DAB1: variants seen among roughly 807,000 people sequenced by gnomAD.
DAB1 encodes disabled homolog 1.
DAB1 carries 15 observed loss-of-function variants against 64.6 expected under a neutral mutation model. The observed-to-expected ratio is 0.23, with a 90% confidence interval of 0.16 to 0.36. DAB1 has a LOEUF of 0.36. Ranked by LOEUF, DAB1 falls within the 10% of genes least tolerant of loss-of-function variation. DAB1 has a pLI of 1.00. For missense variants in DAB1, 596 were observed against 706.7 expected, an observed-to-expected ratio of 0.84 and a Z score of 1.78; for synonymous variants, 235 against 251.9, an observed-to-expected ratio of 0.93 and a Z score of 0.64.
intron 1 of DAB1, among the ~76,000 whole-genome samples, chr1:57,403,528 CAT>C (rs1683408222): frequency 6.6e-6 from 1 of 152,176 alleles, no homozygotes; most frequent in Non-Finnish European, 1.5e-5. Context: ...AAAGAGCCCA[CAT>C]AGAGTCAAAA....
At chr1:57,025,359 C>T (rs1646751008) in intron 10 of DAB1, among the ~76,000 whole-genome samples, 1 of 152,170 alleles carries the variant, frequency 6.6e-6, no homozygotes, top group African/African-American at 2.4e-5. Context: ...GGTACACTGG[C>T]TGAAGCTGTG....
At chr1:57,900,305 A>C (rs978876797) in intron 5 of DAB1, among the ~76,000 whole-genome samples, 1 of 152,148 alleles carries the variant, frequency 6.6e-6, no homozygotes, top group Admixed American at 6.6e-5. Flanking sequence ...GATGGCACAC[A>C]CTGGGGGGTA....
chr1:57,554,798 G>A lies in DAB1; in HGVS notation n.625+94794C>T, dbSNP rs539404605. On this transcript the variant is annotated intron_variant and non_coding_transcript_variant, in intron 7 of 20. Transcript: ENST00000485760. Reference sequence around the variant, plus strand: ...TACAAATATTTTGAGTGTTCCACTTGCACTTATTTTAAAACTGATTTTGAA... The same window carrying A: ...TACAAATATTTTGAGTGTTCCACTTACACTTATTTTAAAACTGATTTTGAA... Among the ~76,000 whole-genome samples the A allele has an allele frequency of 7.2e-5, 11 of 152,138 alleles. No individual in the cohort carries two copies. The East Asian group carries it at 1.7e-3, about 24-fold the overall frequency.
chr1:57,399,806 T>C (rs1486025153), intron 1 of DAB1, among the ~76,000 whole-genome samples: 7 of 152,188 alleles, frequency 4.6e-5, no homozygotes, highest in Non-Finnish European at 1.0e-4. Context: ...AGAAAAATCA[T>C]ATGCATCAGC....
intron 5 of DAB1, among the ~76,000 whole-genome samples, chr1:58,098,373 G>A (rs1195890845): frequency 6.6e-6 from 1 of 152,154 alleles, no homozygotes; most frequent in African/African-American, 2.4e-5. Context: ...GGACCCTAGA[G>A]AAGGGTGGTG....
intron 1 of DAB1, among the ~76,000 whole-genome samples, chr1:58,541,164 C>T (rs917030604): frequency 5.3e-5 from 8 of 151,300 alleles, no homozygotes; most frequent in African/African-American, 1.9e-4. Flanking sequence ...TGTGGTGGCA[C>T]TTGCCTGTAA....
chr1:58,316,123 T>C (rs1662553990), intron 4 of DAB1, among the ~76,000 whole-genome samples: 1 of 152,212 alleles, frequency 6.6e-6, no homozygotes, highest in Non-Finnish European at 1.5e-5. Flanking sequence ...TAGTAATTCT[T>C]ACTCCCCTGT....
chr1:58,068,110 A>G (rs570605492), intron 5 of DAB1, among the ~76,000 whole-genome samples: 2 of 152,320 alleles, frequency 1.3e-5, no homozygotes, highest in South Asian at 4.1e-4. Context: ...AAAGAAGGTA[A>G]AATTCAGGGA....
chr1:57,502,042 C>T (rs1248527222), intron 7 of DAB1, among the ~76,000 whole-genome samples: 2 of 152,036 alleles, frequency 1.3e-5, no homozygotes, highest in African/African-American at 2.4e-5. Flanking sequence ...AGAAACCGGC[C>T]GGTCGCGGTG....
At chr1:58,472,229 G>A (rs1645367364) in intron 3 of DAB1, among the ~76,000 whole-genome samples, 1 of 152,098 alleles carries the variant, frequency 6.6e-6, no homozygotes, top group Non-Finnish European at 1.5e-5. Context: ...CTAATCCCAT[G>A]GAGTGCTACT....
At chr1:58,351,206 T>A (rs185395528) in intron 3 of DAB1, among the ~76,000 whole-genome samples, 14 of 152,296 alleles carry the variant, frequency 9.2e-5, no homozygotes, top group Non-Finnish European at 1.6e-4. Flanking sequence ...GGGTATTTTA[T>A]TCTCTTTGTA....
chr1:57,602,795 G>A (rs1645590065), intron 7 of DAB1, among the ~76,000 whole-genome samples: 2 of 152,118 alleles, frequency 1.3e-5, no homozygotes, highest in East Asian at 1.9e-4. Context: ...TGTGTGGAGG[G>A]GAGTGGGGTC....
intron 1 of DAB1, chr1:57,386,444 C>G (rs1250795760): frequency 6.6e-6 from 1 of 151,102 alleles, no homozygotes; most frequent in East Asian, 1.9e-4. Context: ...TTTACGGGGG[C>G]CTACAGGAAG....
chr1:58,260,728 A>G (rs1661029576), intron 4 of DAB1, among the ~76,000 whole-genome samples: 1 of 152,176 alleles, frequency 6.6e-6, no homozygotes, highest in Admixed American at 6.5e-5. Flanking sequence ...GTTGTCCCTC[A>G]CCTGAATCTA....
chr1:57,268,135 C>T (rs1265749043), intron 2 of DAB1, among the ~76,000 whole-genome samples: 1 of 152,196 alleles, frequency 6.6e-6, no homozygotes, highest in Non-Finnish European at 1.5e-5. Context: ...TACCCCAAAG[C>T]AAGGAGCATC....
At chr1:57,919,179 G>C (rs1470179527) in intron 5 of DAB1, among the ~76,000 whole-genome samples, 1 of 152,182 alleles carries the variant, frequency 6.6e-6, no homozygotes, top group Non-Finnish European at 1.5e-5. Context: ...CACAATTTGG[G>C]TTGTGAGGAG....
intron 4 of DAB1, among the ~76,000 whole-genome samples, chr1:57,093,099 C>A (rs1195991895): frequency 6.6e-6 from 1 of 152,180 alleles, no homozygotes; most frequent in Non-Finnish European, 1.5e-5. Flanking sequence ...TCCATAGCTG[C>A]ACACTTGCCA....
chr1:57,222,083 G>C (rs1557969152), intron 2 of DAB1, among the ~76,000 whole-genome samples: 1 of 152,030 alleles, frequency 6.6e-6, no homozygotes, highest in Non-Finnish European at 1.5e-5. Context: ...AATTCAGTGA[G>C]AAAAATATTA....
intron 9 of DAB1, among the ~76,000 whole-genome samples, chr1:57,036,992 G>A (rs1342816389): frequency 6.6e-6 from 1 of 152,156 alleles, no homozygotes; most frequent in Non-Finnish European, 1.5e-5. Context: ...TCTTTTTTAT[G>A]GCTTCCAAAT....
Sources: gnomAD v4.1 joint callset for allele counts (sites outside exome capture counted in the v4.1 genomes callset) on GRCh38, gnomAD v4.1.1 for gene constraint, MANE v1.5 for transcripts, NCBI Gene and HGNC (gene_info 2026-07-23, HGNC 2026-07-21) for gene names.